The following EMC10 variants were observed in gnomAD, a reference collection of about 807,000 sequenced individuals.
The protein encoded by EMC10 is ER membrane protein complex subunit 10, also known as UPF0510 protein INM02.
Under a neutral mutation model 32.2 loss-of-function variants are expected in EMC10, and 40 were observed. The ratio of observed to expected loss-of-function variants is 1.24; its 90% CI spans 0.96 to 1.61. The LOEUF is 1.61. Ranked by LOEUF, EMC10 falls within the 40% of genes most tolerant of loss-of-function variation. EMC10 has a pLI of 0.00. For synonymous variants in EMC10, 178 were observed against 158.4 expected (o/e 1.12, Z -0.93); for missense variants, 402 against 357.7 (o/e 1.12, Z -1.00).
In EMC10 at chr19:50,482,803, G is replaced by C; in HGVS notation, c.*544G>C. 1 of 516,858 alleles carries C rather than the reference G, an allele frequency of 1.9e-6. No individual in the cohort carries two copies. The highest frequency in any genetic ancestry group is 1.9e-5 in the African/African-American group (1 of 51,328). 32.0% of individuals were successfully genotyped at this position (516,858 alleles called of 1,614,324 possible). On this transcript the variant is annotated 3_prime_UTR_variant, in exon 7 of 7. Coordinates refer to ENST00000334976, the MANE Select transcript of EMC10 (RefSeq NM_206538.4). ...TCAGGGGCAGAGGCATGAAAGAGTC[G>C]GGGCTGGATGGCCGGGGGCTTCTGG...
chr19:50,486,760 C>T lies in EMC10; in HGVS notation c.*4501C>T, dbSNP rs1488354690. On this transcript the variant is annotated 3_prime_UTR_variant, in exon 7 of 7. Transcript: ENST00000334976. ...TTCCATGGGAGCCAATCCACCCACC[C>T]ATAGAATGACTTGAAAATGTGTGAA... The T allele has an allele frequency of 3.3e-5, 5 of 152,178 alleles. No homozygotes were observed. Among genetic ancestry groups the T allele is most frequent in the African/African-American group, 1.2e-4 (5 of 41,422 alleles). 9.4% of individuals were successfully genotyped at this position (152,178 alleles called of 1,614,324 possible).
At chr19:50,481,937 A>G (rs1317914802) in intron 6 of EMC10, 1 of 1,607,424 alleles carries the variant, frequency 6.2e-7, no homozygotes, top group African/African-American at 1.3e-5. Context: ...CCACCGCCAC[A>G]GGAGGCCTGA....
In EMC10 at chr19:50,476,674, C is replaced by G. The variant is rs2040227615; in HGVS notation, c.114+16C>G. ...TGCGCGAGGGGTGAGTGCTCTTTAGCTGTGCATAGCGGGCGCGGTCTACGG... is the reference window on the plus strand; with the variant it reads ...TGCGCGAGGGGTGAGTGCTCTTTAGGTGTGCATAGCGGGCGCGGTCTACGG... On this transcript the variant is annotated intron_variant, in intron 1 of 6. Coordinates refer to ENST00000334976, the MANE Select transcript of EMC10 (RefSeq NM_206538.4). 1 of 1,450,790 alleles carries G rather than the reference C, an allele frequency of 6.9e-7. No homozygotes were observed. Among genetic ancestry groups the G allele is most frequent in the African/African-American group, 1.5e-5 (1 of 68,194 alleles). The allele number at this position is 1,450,790 out of a possible 1,614,324, so 89.9% of individuals were successfully genotyped here. A position where few individuals can be genotyped will look rare whatever the true frequency, so the allele number is the denominator to read the frequency against.
At chr19:50,479,189 C>G in intron 3 of EMC10, 123 bp downstream of exon 3, 1 of 697,976 alleles carries the variant, frequency 1.4e-6, no homozygotes, top group Non-Finnish European at 2.5e-6. Context: ...CCCAGCACCA[C>G]CTGCCACTCT....
At chr19:50,481,873 C>CT (rs1291291233) in intron 6 of EMC10, 2 of 1,584,556 alleles carry the variant, frequency 1.3e-6, no homozygotes, top group African/African-American at 1.3e-5. Flanking sequence ...GCACATCATC[C>CT]TGGGGGGGGC....
In EMC10 at chr19:50,480,302, G is replaced by A. The variant is rs141680265; in HGVS notation, c.402+87G>A. The stretch of plus-strand genomic sequence containing the variant: ...CTGCTTCCACCATTCGAACCCCTGT[G>A]TTTCTGGAGCCCGCAGAGGCCTGGG... On this transcript the variant is annotated intron_variant, in intron 4 of 6. Coordinates refer to ENST00000334976, the MANE Select transcript of EMC10 (RefSeq NM_206538.4). The surrounding 1 kb of genome is among the most constrained non-coding windows in gnomAD (Gnocchi z 4.4). 5.5e-4 allele frequency: 748 copies of A among 1,361,898 alleles called. 3 individuals are homozygous for A. In the African/African-American group the frequency reaches 9.8e-3, roughly 18 times the overall value. The allele number at this position is 1,361,898 out of a possible 1,614,324, so 84.4% of individuals were successfully genotyped here. A position where few individuals can be genotyped will look rare whatever the true frequency, so the allele number is the denominator to read the frequency against.
Position 50,484,925 on chromosome 19 carries a change from A to G in EMC10, c.*2666A>G, listed in dbSNP as rs2122671498. 1 of 152,270 alleles carries G rather than the reference A, an allele frequency of 6.6e-6. No homozygotes were observed. The highest frequency in any genetic ancestry group is 1.9e-4 in the East Asian group (1 of 5,168). 9.4% of individuals were successfully genotyped at this position (152,270 alleles called of 1,614,324 possible). A position where few individuals can be genotyped will look rare whatever the true frequency, so the allele number is the denominator to read the frequency against. ...ACTTCCCCTCCCTGGAGGCAGCCTG[A>G]GTTTTCTGTCCCCTGGTATGCTGCA... On this transcript the variant is annotated 3_prime_UTR_variant, in exon 7 of 7. Coordinates refer to ENST00000334976, the MANE Select transcript of EMC10 (RefSeq NM_206538.4).
chr19:50,483,338 C>CA lies in EMC10; in HGVS notation c.*1080dup, dbSNP rs2040353000. ...TGTGGCAGTTTATTAAACTGTCCCC[C>CA]AGATCGACACGCAGCTAGCCTCCTG... On this transcript the variant is annotated 3_prime_UTR_variant, in exon 7 of 7. Transcript: ENST00000334976. 1 of 328,792 alleles carries CA rather than the reference C, an allele frequency of 3.0e-6. No individual in the cohort carries two copies. The highest frequency in any genetic ancestry group is 2.2e-5 in the African/African-American group (1 of 45,898). 20.4% of individuals were successfully genotyped at this position (328,792 alleles called of 1,614,324 possible). A position where few individuals can be genotyped will look rare whatever the true frequency, so the allele number is the denominator to read the frequency against.
Position 50,481,857 on chromosome 19 carries a change from C to T in EMC10, c.679-292C>T, listed in dbSNP as rs1726783. ...GCCCTGACCTGCGCTCCCTCCCTCC[C>T]CAGTGGCACATCATCCTGGGGGGGG... On this transcript the variant is annotated intron_variant, in intron 6 of 6. Coordinates refer to ENST00000334976, the MANE Select transcript of EMC10 (RefSeq NM_206538.4). 5,349 of 1,572,460 alleles carry T rather than the reference C, an allele frequency of 3.4e-3. 178 individuals carry two copies. In the African/African-American group the frequency reaches 0.059, roughly 17 times the overall value.
chr19:50,480,750 C>A lies in EMC10; in HGVS notation c.572C>A (p.Thr191Asn). Reference protein sequence around the residue: ...FNTSVQLQPPTTAPGPETAAF... With the variant: ...FNTSVQLQPPNTAPGPETAAF... ...ACCTCGGTGCAGCTGCAGCCGCCCA[C>A]CACAGCCCCAGGGTGAGCCTCTGCT... Residue 191 changes from threonine (T) to asparagine (N), a missense_variant, in exon 5 of 7, where the codon ACC becomes AAC. Thr to Asn is a moderately conservative substitution (Grantham distance 65, BLOSUM62 0). Coordinates refer to ENST00000334976, the MANE Select transcript of EMC10 (RefSeq NM_206538.4). The surrounding 1 kb of genome is among the most constrained non-coding windows in gnomAD (Gnocchi z 4.4). The A allele has an allele frequency of 6.3e-7, 1 of 1,594,356 alleles. No homozygotes were observed.
chr19:50,480,709 C>CCTGGAG lies in EMC10; in HGVS notation c.535_540dup (p.Glu179_Leu180dup). On this transcript the variant is annotated inframe_insertion, in exon 5 of 7. Coordinates refer to ENST00000334976, the MANE Select transcript of EMC10 (RefSeq NM_206538.4). The surrounding 1 kb of genome is among the most constrained non-coding windows in gnomAD (Gnocchi z 4.4). Reference sequence around the variant, plus strand: ...GGGGCCATGAGGTGGAGGACGTGGACCTGGAGCTGTTCAACACCTCGGTGC... The same window carrying CCTGGAG: ...GGGGCCATGAGGTGGAGGACGTGGACCTGGAGCTGGAGCTGTTCAACACCTCGGTGC... The CCTGGAG allele has an allele frequency of 6.2e-7, 1 of 1,605,824 alleles. No homozygotes were observed. Among genetic ancestry groups the CCTGGAG allele is most frequent in the Non-Finnish European group, 8.5e-7 (1 of 1,177,242 alleles).
At position 50,480,512 on chromosome 19, in the gene EMC10, G is replaced by T; in HGVS notation, c.403-69G>T. 1.3e-6 allele frequency: 2 copies of T among 1,510,840 alleles called. No individual in the cohort carries two copies. The highest frequency in any genetic ancestry group is 1.8e-6 in the Non-Finnish European group (2 of 1,120,768). 93.6% of individuals were successfully genotyped at this position (1,510,840 alleles called of 1,614,324 possible). A position where few individuals can be genotyped will look rare whatever the true frequency, so the allele number is the denominator to read the frequency against. On this transcript the variant is annotated intron_variant, in intron 4 of 6. Coordinates refer to ENST00000334976, the MANE Select transcript of EMC10 (RefSeq NM_206538.4). The surrounding 1 kb of genome is among the most constrained non-coding windows in gnomAD (Gnocchi z 4.4). The stretch of plus-strand genomic sequence containing the variant: ...ATGCTCCGGGGGTCCTGTGGTGGGG[G>T]CCGGGGGAGGTTAGGGTGGAGCCCA...
rs1226481262 is a variant in EMC10 at position 50,482,388 on chromosome 19, C to G, written c.*129C>G. On this transcript the variant is annotated 3_prime_UTR_variant, in exon 7 of 7. Coordinates refer to ENST00000334976, the MANE Select transcript of EMC10 (RefSeq NM_206538.4). ...CCTTTCCCCCCGTCCCACGAGGCCA[C>G]CTGGGCCAGCCCCTTGTCCTCTGCC... The G allele has an allele frequency of 1.6e-6, 1 of 609,290 alleles. No homozygotes were observed. Among genetic ancestry groups the G allele is most frequent in the Non-Finnish European group, 2.9e-6 (1 of 341,288 alleles). 37.7% of individuals were successfully genotyped at this position (609,290 alleles called of 1,614,324 possible). A position where few individuals can be genotyped will look rare whatever the true frequency, so the allele number is the denominator to read the frequency against.
Position 50,488,749 on chromosome 19 carries a change from GA to G in EMC10, c.*6491del, listed in dbSNP as rs1978486312. The G allele has an allele frequency of 3.3e-5, 5 of 152,094 alleles. No individual in the cohort carries two copies. 9.4% of individuals were successfully genotyped at this position (152,094 alleles called of 1,614,324 possible). ...AGAGAGGATAGTGGCTGGGAGGAGA[GA>G]GGAGGAGGGAGGAGCACAGAGGGAG... On this transcript the variant is annotated 3_prime_UTR_variant, in exon 7 of 7. Transcript: ENST00000334976.
Position 50,480,538 on chromosome 19 carries a change from GGCA to G in EMC10, c.403-38_403-36del. 1 of 1,541,420 alleles carries G rather than the reference GGCA, an allele frequency of 6.5e-7. No individual in the cohort carries two copies. The highest frequency in any genetic ancestry group is 8.8e-7 in the Non-Finnish European group (1 of 1,141,232). The stretch of plus-strand genomic sequence containing the variant: ...CCGGGGGAGGTTAGGGTGGAGCCCA[GGCA>G]GCAGGCTCCCCACCTCCACTGACCC... On this transcript the variant is annotated intron_variant, in intron 4 of 6. Coordinates refer to ENST00000334976, the MANE Select transcript of EMC10 (RefSeq NM_206538.4). The surrounding 1 kb of genome is among the most constrained non-coding windows in gnomAD (Gnocchi z 4.4).
In EMC10 at chr19:50,480,826, G is replaced by C; in HGVS notation, c.585-58G>C. ...CCCCGGCCCTTCCTGGCGGCCTCAG[G>C]GTCTCCAGGTCCCTGGACTCCGGGC... On this transcript the variant is annotated intron_variant, in intron 5 of 6. Transcript: ENST00000334976. This position sits in a 1 kb window ranked among gnomAD's most constrained non-coding sequence, Gnocchi z 4.4. 6.4e-7 allele frequency: 1 copy of C among 1,565,198 alleles called. No individual in the cohort carries two copies. The highest frequency in any genetic ancestry group is 8.7e-7 in the Non-Finnish European group (1 of 1,152,646).
At position 50,477,970 on chromosome 19, in the gene EMC10, G is replaced by A. The variant is rs774341377; in HGVS notation, c.156G>A (p.Val52=). The change falls in exon 2 of 7, where the codon GTG becomes GTA. Residue 52 remains valine, a synonymous_variant. Coordinates refer to ENST00000334976, the MANE Select transcript of EMC10 (RefSeq NM_206538.4). ...GAGAGGGCGAGGCCTGTGGCACGGT[G>A]GGGCTGCTGCTGGAGCACTCATTTG... The part of the protein sequence containing the change: ...EGREGEACGT[V]GLLLEHSFEI... 6 of 1,602,562 alleles carry A rather than the reference G, an allele frequency of 3.7e-6. No homozygotes were observed. The highest frequency in any genetic ancestry group is 3.4e-5 in the South Asian group (3 of 89,446).
Position 50,477,904 on chromosome 19 carries a change from C to T in EMC10, c.115-25C>T, listed in dbSNP as rs371993989. ...TGCTGAGGGCTTGGGTGGTCCTCAC[C>T]TGGGGCCTTCTGTGTCCTCTGCAGG... On this transcript the variant is annotated intron_variant, in intron 1 of 6. Transcript: ENST00000334976. The T allele has an allele frequency of 2.5e-6, 4 of 1,590,534 alleles. No individual in the cohort carries two copies. In the Admixed American group the frequency reaches 5.6e-5, roughly 22 times the overall value.
intron 1 of EMC10, chr19:50,477,101 TAAA>T (rs55816439): frequency 7.8e-5 from 11 of 141,072 alleles, no homozygotes; most frequent in South Asian, 2.3e-4. Flanking sequence ...CAAAAAATAC[TAAA>T]AAAAAAAAAA....
Sources: gnomAD v4.1 joint callset for allele counts on GRCh38, gnomAD v4.1.1 for gene constraint, Gnocchi (gnomAD v3.1) non-coding constraint, MANE v1.5 for transcripts, NCBI Gene and HGNC (gene_info 2026-07-23, HGNC 2026-07-21) for gene names.